SGIP1: variants seen among roughly 807,000 people sequenced by gnomAD.
The protein encoded by SGIP1 is SH3GL interacting endocytic adaptor 1, also known as SH3-containing GRB2-like protein 3-interacting protein 1.
In SGIP1, 38 loss-of-function variants were observed where a neutral mutation model predicts 107.5. The observed-to-expected ratio is 0.35, with a 90% CI of 0.27 to 0.46. SGIP1 has a LOEUF of 0.46. Ranked by LOEUF, SGIP1 falls within the 20% of genes least tolerant of loss-of-function variation. The probability of loss-of-function intolerance (pLI) is 1.00; values close to 1 mark genes in which losing one functional copy is unlikely to be tolerated. For synonymous variants in SGIP1, 365 were observed against 366.1 expected, an observed-to-expected ratio of 1.00 and a Z score of 0.03; for missense variants, 929 against 1,019.5, an observed-to-expected ratio of 0.91 and a Z score of 1.21.
intron 18 of SGIP1, among the ~76,000 whole-genome samples, chr1:66,706,464 T>TAA (rs1246346489): frequency 3.7e-4 from 54 of 146,758 alleles, no homozygotes; most frequent in Non-Finnish European, 7.1e-4. Context: ...ATAATATAAA[T>TAA]TATAAATATT....
chr1:66,671,934 T>C lies in SGIP1; in HGVS notation c.509-10T>C, dbSNP rs765296888. On this transcript the variant is annotated splice_polypyrimidine_tract_variant and intron_variant, in intron 10 of 24. Coordinates refer to ENST00000371037, the MANE Select transcript of SGIP1 (RefSeq NM_032291.4). ...ATTTGTCTAAAAAGTTCCTTTGTCC[T>C]GTGCATCAGGTGAAGAAGTGGCAAG... The C allele has an allele frequency of 6.2e-7, 1 of 1,613,936 alleles. No homozygotes were observed. The highest frequency in any genetic ancestry group is 1.1e-5 in the South Asian group (1 of 91,046).
chr1:66,615,205 G>A (rs575911474), intron 1 of SGIP1, among the ~76,000 whole-genome samples: 1 of 152,188 alleles, frequency 6.6e-6, no homozygotes, highest in Non-Finnish European at 1.5e-5. Context: ...TATGAACTTG[G>A]CTCACTGCAA....
At chr1:66,648,820 T>G (rs1212616366) in intron 7 of SGIP1, among the ~76,000 whole-genome samples, 1 of 152,214 alleles carries the variant, frequency 6.6e-6, no homozygotes, top group Non-Finnish European at 1.5e-5. Flanking sequence ...AGATTCAGAT[T>G]GTCCTGGGCC....
At chr1:66,591,160 C>G (rs1299781040) in intron 1 of SGIP1, among the ~76,000 whole-genome samples, 1 of 152,184 alleles carries the variant, frequency 6.6e-6, no homozygotes, top group Non-Finnish European at 1.5e-5. Flanking sequence ...TGACCCTTCC[C>G]TCTATCTACA....
chr1:66,559,556 T>A (rs1168090446), intron 1 of SGIP1, among the ~76,000 whole-genome samples: 2 of 152,072 alleles, frequency 1.3e-5, no homozygotes, highest in African/African-American at 4.8e-5. Flanking sequence ...AAAAGCAAGC[T>A]TGAGGAGCAG....
intron 1 of SGIP1, among the ~76,000 whole-genome samples, chr1:66,569,032 A>G (rs1027481620): frequency 6.6e-6 from 1 of 151,958 alleles, no homozygotes; most frequent in Non-Finnish European, 1.5e-5. Flanking sequence ...GGTATTATTC[A>G]AACTGGTTAA....
rs1553200182 is a variant in SGIP1, at chr1:66,750,003, C to CTTTA, written c.*6909_*6910insTTAT. On this transcript the variant is annotated 3_prime_UTR_variant, in exon 25 of 25. Transcript: ENST00000371037. ...CTCCTATCTAATTCATATTCTCTCT[C>CTTTA]TCTCTCTCTCTCTTTCTCTGTGTGT... Among the ~76,000 whole-genome samples, 4 of 150,772 alleles carry CTTTA rather than the reference C, an allele frequency of 2.7e-5. No individual in the cohort carries two copies. Among genetic ancestry groups the CTTTA allele is most frequent in the South Asian group, 4.2e-4 (2 of 4,732 alleles).
chr1:66,733,618 T>G, intron 20 of SGIP1, 130 bp from the exon 21 acceptor site: 1 of 924,854 alleles, frequency 1.1e-6, no homozygotes, highest in East Asian at 2.6e-5. Context: ...TGTTAATAGA[T>G]TCATAATAAT....
At chr1:66,593,839 T>G (rs190553554) in intron 1 of SGIP1, among the ~76,000 whole-genome samples, 1 of 152,258 alleles carries the variant, frequency 6.6e-6, no homozygotes, top group African/African-American at 2.4e-5. Flanking sequence ...ACTTGCCAAG[T>G]TTTTCTTTTT....
At chr1:66,599,023 CCAGGGCTCAGCAAGCAACATACCCCT>C (rs1197955815) in intron 1 of SGIP1, among the ~76,000 whole-genome samples, 2 of 152,002 alleles carry the variant, frequency 1.3e-5, no homozygotes, top group African/African-American at 4.8e-5. Context: ...AGTGTTCTAC[CCAGGGCTCAGCAAGCAACATACCCCT>C]CATTAGTAAA....
At chr1:66,584,593 A>G (rs778374052) in intron 1 of SGIP1, among the ~76,000 whole-genome samples, 5 of 152,202 alleles carry the variant, frequency 3.3e-5, no homozygotes, top group Non-Finnish European at 5.9e-5. Flanking sequence ...ACTCAGGTCA[A>G]TACTGTACTA....
chr1:66,683,203 C>T (rs1176370656), intron 15 of SGIP1, among the ~76,000 whole-genome samples: 1 of 152,178 alleles, frequency 6.6e-6, no homozygotes, highest in East Asian at 1.9e-4. Context: ...TGCATCTTCC[C>T]CCATATCATT....
intron 1 of SGIP1, among the ~76,000 whole-genome samples, chr1:66,549,924 A>G (rs1166501915): frequency 2.0e-5 from 3 of 152,132 alleles, no homozygotes; most frequent in African/African-American, 7.2e-5. Flanking sequence ...TCTAAACCCA[A>G]CATCACAACT....
rs975950448 is a variant in SGIP1 at position 66,684,222 on chromosome 1, T to G, written c.1315+1853T>G. 30 of 1,550,428 alleles carry G rather than the reference T, an allele frequency of 1.9e-5. No individual in the cohort carries two copies. In the African/African-American group the frequency reaches 3.8e-4, roughly 20 times the overall value. On this transcript the variant is annotated intron_variant, in intron 15 of 24. Coordinates refer to ENST00000371037, the MANE Select transcript of SGIP1 (RefSeq NM_032291.4). ...AGCTGGAGCCTATGTTGTTAACCAG[T>G]GTGCTCTCCAGGCACTTTTGTAAGG...
chr1:66,613,352 C>G (rs989342038), intron 1 of SGIP1, among the ~76,000 whole-genome samples: 1 of 152,114 alleles, frequency 6.6e-6, no homozygotes, highest in African/African-American at 2.4e-5. Flanking sequence ...GTTTCTGAGT[C>G]AGAGTCTCAC....
At chr1:66,694,604 A>T (rs970932904) in intron 17 of SGIP1, 2 of 887,824 alleles carry the variant, frequency 2.3e-6, no homozygotes, top group African/African-American at 1.8e-5. Flanking sequence ...CCCTCACCTC[A>T]TGAGTGTCCA....
intron 1 of SGIP1, among the ~76,000 whole-genome samples, chr1:66,584,699 T>G (rs892901431): frequency 6.6e-6 from 1 of 152,172 alleles, no homozygotes; most frequent in African/African-American, 2.4e-5. Flanking sequence ...AACAGGTTAA[T>G]GCACTATGTT....
chr1:66,751,087 C>T lies in SGIP1; in HGVS notation c.*7992C>T, dbSNP rs1027838111. On this transcript the variant is annotated 3_prime_UTR_variant, in exon 25 of 25. Coordinates refer to ENST00000371037, the MANE Select transcript of SGIP1 (RefSeq NM_032291.4). ...GTAAGTTGTTACTGAAATGTGATTT[C>T]TTTTTCTGGAAAATAAATGAAAAAT... Among the ~76,000 whole-genome samples, 4 of 152,096 alleles carry T rather than the reference C, an allele frequency of 2.6e-5. No homozygotes were observed. The highest frequency in any genetic ancestry group is 9.7e-5 in the African/African-American group (4 of 41,432).
intron 7 of SGIP1, chr1:66,660,056 G>GAAAGAAAAT (rs1165947132): frequency 7.1e-6 from 1 of 141,808 alleles, no homozygotes; most frequent in Non-Finnish European, 1.3e-5. Context: ...AGAAAGAAAA[G>GAAAGAAAAT]AAAGAAAGGA....
Sources: allele counts gnomAD v4.1 joint callset (sites outside exome capture counted in the v4.1 genomes callset), GRCh38; gene constraint gnomAD v4.1.1; transcripts MANE v1.5; gene names NCBI Gene and HGNC (gene_info 2026-07-23, HGNC 2026-07-21).